NAT10: variants seen among roughly 807,000 people sequenced by gnomAD.
NAT10 encodes the protein N-acetyltransferase 10.
Under a neutral mutation model 132.2 loss-of-function variants are expected in NAT10, and 109 were observed. That is an observed-to-expected ratio of 0.82 (90% CI 0.71 to 0.97). NAT10 has a LOEUF of 0.97. NAT10 is among the 50% of genes least tolerant of loss of function. NAT10 has a pLI of 0.00. For synonymous variants in NAT10, 479 were observed against 478.0 expected, an observed-to-expected ratio of 1.00 and a Z score of -0.03; for missense variants, 1,184 against 1,263.4, an observed-to-expected ratio of 0.94 and a Z score of 0.95.
At chr11:34,113,640 A>G (rs987307095) in intron 4 of NAT10, 76 bp from the exon 5 acceptor site, 1 of 887,376 alleles carries the variant, frequency 1.1e-6, no homozygotes, top group Non-Finnish European at 1.5e-6. Context: ...CCATCTCAAA[A>G]AAAAAAAAAA....
At chr11:34,115,116 A>G (rs1243577375) in intron 5 of NAT10, among the ~76,000 whole-genome samples, 1 of 152,232 alleles carries the variant, frequency 6.6e-6, no homozygotes, top group Non-Finnish European at 1.5e-5. Context: ...AGGTCACGCC[A>G]CTGCACTCCA....
At chr11:34,111,978 C>T in intron 3 of NAT10, 74 bp from the exon 4 acceptor site, 1 of 1,555,864 alleles carries the variant, frequency 6.4e-7, no homozygotes, top group African/African-American at 1.4e-5. Flanking sequence ...GATCACTGAG[C>T]CTTTCCCCTG....
In NAT10 at chr11:34,111,625, A is replaced by G. The variant is rs117068377; in HGVS notation, c.201-427A>G. On this transcript the variant is annotated intron_variant, in intron 3 of 28. Transcript: ENST00000257829. ...TCGGGGAGGAAGTCCTCTAGGAAGG[A>G]TGAATAAAGTAACGTGCCATCACCT... Among the ~76,000 whole-genome samples, 15 of 152,330 alleles carry G rather than the reference A, an allele frequency of 9.8e-5. No homozygotes were observed. In the East Asian group the frequency reaches 2.7e-3, roughly 27 times the overall value.
At position 34,113,704 on chromosome 11, in the gene NAT10, C is replaced by G. The variant is rs765111741; in HGVS notation, c.373-12C>G. Reference sequence around the variant, plus strand: ...TGCATGACCAGCCCTTTCTAACGCCCCCTTCTTCCAGGATTTTGAAGCCTT... The same window carrying G: ...TGCATGACCAGCCCTTTCTAACGCCGCCTTCTTCCAGGATTTTGAAGCCTT... On this transcript the variant is annotated splice_polypyrimidine_tract_variant and intron_variant, in intron 4 of 28. Transcript: ENST00000257829. 37 of 1,611,358 alleles carry G rather than the reference C, an allele frequency of 2.3e-5. No individual in the cohort carries two copies. The highest frequency in any genetic ancestry group is 2.2e-4 in the East Asian group (10 of 44,870).
intron 10 of NAT10, 48 bp downstream of exon 10, chr11:34,123,903 C>A: frequency 1.4e-6 from 2 of 1,437,774 alleles, no homozygotes; most frequent in Non-Finnish European, 2.0e-6. Flanking sequence ...GGTGTGGTGG[C>A]TCACGCCTGT....
In NAT10 at chr11:34,146,739, ACC is replaced by A. The variant is rs2132990158; in HGVS notation, c.*549_*550del. The stretch of plus-strand genomic sequence containing the variant: ...GCTGTTCCACTCTTGGCTCCAGCAG[ACC>A]CACTGTCCCAGAAAAGCCTGATCCT... On this transcript the variant is annotated 3_prime_UTR_variant, in exon 29 of 29. Transcript: ENST00000257829. 6.6e-6 allele frequency: 1 copy of A among 152,428 alleles called. No individual in the cohort carries two copies. The allele number at this position is 152,428 out of a possible 1,614,324, so 9.4% of individuals were successfully genotyped here. A position where few individuals can be genotyped will look rare whatever the true frequency, so the allele number is the denominator to read the frequency against.
chr11:34,139,057 A>G (rs1590781335), intron 21 of NAT10, 134 bp from the exon 22 acceptor site: 1 of 749,418 alleles, frequency 1.3e-6, no homozygotes, highest in East Asian at 2.6e-5. Context: ...AAGGGCGCCT[A>G]CCCCCAGCCT....
At chr11:34,141,408 TCACA>T (rs59489457) in intron 25 of NAT10, among the ~76,000 whole-genome samples, 200 bp downstream of exon 25, 18,175 of 132,740 alleles carry the variant, frequency 0.14, 1,409 homozygotes, top group Non-Finnish European at 0.18. Flanking sequence ...TCATCACACA[TCACA>T]CACACACACA....
At position 34,132,149 on chromosome 11, in the gene NAT10, C is replaced by CT. The variant is rs1852117727; in HGVS notation, c.1549dup (p.Cys517LeufsTer7). 1 of 1,613,984 alleles carries CT rather than the reference C, an allele frequency of 6.2e-7. No homozygotes were observed. Among genetic ancestry groups the CT allele is most frequent in the Admixed American group, 1.7e-5 (1 of 59,994 alleles). On this transcript the variant is annotated frameshift_variant, in exon 15 of 29. Transcript: ENST00000257829. LOFTEE classifies it high-confidence loss of function. ...GGTACTATGTTAATAGAGATACCCT[C>CT]TTTTGCTACCACAAGGCCTCTGAAG...
At chr11:34,125,097 T>C (rs187732809) in intron 11 of NAT10, among the ~76,000 whole-genome samples, 2 of 152,370 alleles carry the variant, frequency 1.3e-5, no homozygotes, top group Non-Finnish European at 2.9e-5. Context: ...CATATGTATA[T>C]GCATGTCAAG....
chr11:34,141,344 C>T, intron 25 of NAT10, 136 bp downstream of exon 25: 1 of 1,264,566 alleles, frequency 7.9e-7, no homozygotes, highest in Non-Finnish European at 1.1e-6. Context: ...CACACACACA[C>T]ACAAATCCAG....
intron 28 of NAT10, among the ~76,000 whole-genome samples, chr11:34,144,161 G>A (rs756432047): frequency 6.6e-6 from 1 of 152,202 alleles, no homozygotes; most frequent in Non-Finnish European, 1.5e-5. Context: ...CTGGCCAGGT[G>A]CAGTGGCTCA....
At chr11:34,123,993 A>G (rs1268493720) in intron 10 of NAT10, 138 bp downstream of exon 10, 2 of 636,706 alleles carry the variant, frequency 3.1e-6, no homozygotes, top group Non-Finnish European at 5.4e-6. Flanking sequence ...AACATAGAGA[A>G]ACCCCGTCTC....
intron 5 of NAT10, among the ~76,000 whole-genome samples, chr11:34,114,622 G>A (rs556735703): frequency 2.0e-5 from 3 of 152,210 alleles, no homozygotes; most frequent in Admixed American, 6.5e-5. Context: ...CGAGGGCCTC[G>A]GCACTTGCTG....
intron 27 of NAT10, among the ~76,000 whole-genome samples, chr11:34,143,128 G>A (rs965003073): frequency 3.9e-5 from 6 of 152,204 alleles, no homozygotes; most frequent in African/African-American, 1.4e-4. Flanking sequence ...AGCTTCTTTG[G>A]TGGATGTTAA....
intron 21 of NAT10, 105 bp from the exon 22 acceptor site, chr11:34,139,086 G>T (rs1348045964): frequency 9.4e-7 from 1 of 1,063,290 alleles, no homozygotes; most frequent in Non-Finnish European, 1.4e-6. Context: ...GGAGAGGCCT[G>T]CGGAAGCACT....
chr11:34,108,609 C>A, intron 2 of NAT10, 133 bp from the exon 3 acceptor site: 2 of 837,760 alleles, frequency 2.4e-6, no homozygotes, highest in East Asian at 2.6e-5. Flanking sequence ...GGTCATTGCT[C>A]GCCTTAGAAC....
In NAT10 at chr11:34,134,553, C is replaced by T. The variant is rs1057134788; in HGVS notation, c.1878C>T (p.Val626=). The change falls in exon 18 of 29, where the codon GTC becomes GTT. Residue 626 remains valine, a synonymous_variant. Coordinates refer to ENST00000257829, the MANE Select transcript of NAT10 (RefSeq NM_024662.3). ...TTGGTGGTCTGTCTGGTGGAAGGGT[C>T]GTTCGCATTGCTGTTCACCCAGATT... The part of the protein sequence containing the change: ...PDFGGLSGGR[V]VRIAVHPDYQ... The T allele has an allele frequency of 5.0e-6, 8 of 1,613,984 alleles. No individual in the cohort carries two copies. Among genetic ancestry groups the T allele is most frequent in the Admixed American group, 1.7e-5 (1 of 59,998 alleles).
At chr11:34,134,253 T>A in intron 16 of NAT10, 66 bp from the exon 17 acceptor site, 1 of 1,371,124 alleles carries the variant, frequency 7.3e-7, no homozygotes, top group Non-Finnish European at 1.0e-6. Context: ...AAACAAGCTA[T>A]ATTCTGTGAG....
Sources: allele counts gnomAD v4.1 joint callset (sites outside exome capture counted in the v4.1 genomes callset), GRCh38; gene constraint gnomAD v4.1.1; transcripts MANE v1.5; gene names NCBI Gene and HGNC (gene_info 2026-07-23, HGNC 2026-07-21).